ADAMTS19: variants seen among roughly 807,000 people sequenced by gnomAD.
ADAMTS19 encodes A disintegrin and metalloproteinase with thrombospondin motifs 19.
Under a neutral mutation model 153.3 loss-of-function variants are expected in ADAMTS19, and 93 were observed. That is an observed-to-expected ratio of 0.61 (90% CI 0.51 to 0.72). ADAMTS19 has a LOEUF of 0.72. Among genes scored for constraint, ADAMTS19 ranks in the 30% least tolerant of loss-of-function variants. ADAMTS19 has a pLI of 0.00. For synonymous variants in ADAMTS19, 600 were observed against 556.6 expected (o/e 1.08, Z -1.10); for missense variants, 1,482 against 1,552.1 (o/e 0.95, Z 0.76).
intron 7 of ADAMTS19, among the ~76,000 whole-genome samples, chr5:129,569,528 T>C (rs1370276968): frequency 1.3e-5 from 2 of 152,070 alleles, no homozygotes; most frequent in African/African-American, 2.4e-5. Context: ...GCCTTTCAAA[T>C]GACATGGAAA....
chr5:129,623,887 G>A (rs755098281), intron 10 of ADAMTS19, among the ~76,000 whole-genome samples: 5 of 151,780 alleles, frequency 3.3e-5, no homozygotes, highest in South Asian at 2.1e-4. Context: ...TTGGGAGGCC[G>A]AGACGGGCGG....
At chr5:129,567,377 C>T (rs1461776377) in intron 7 of ADAMTS19, among the ~76,000 whole-genome samples, 2 of 151,980 alleles carry the variant, frequency 1.3e-5, no homozygotes, top group African/African-American at 4.8e-5. Context: ...CCAACAGATG[C>T]CAATTCTGAG....
At chr5:129,659,334 G>A (rs1456668321) in intron 15 of ADAMTS19, among the ~76,000 whole-genome samples, 3 of 152,072 alleles carry the variant, frequency 2.0e-5, no homozygotes, top group Admixed American at 2.0e-4. Context: ...AATTATGAAT[G>A]ATCTACATAG....
intron 2 of ADAMTS19, among the ~76,000 whole-genome samples, chr5:129,475,260 G>A (rs894626336): frequency 1.3e-5 from 2 of 152,024 alleles, no homozygotes; most frequent in African/African-American, 4.8e-5. Flanking sequence ...TGTGTATGGT[G>A]TTAAGAGACT....
chr5:129,620,712 G>A lies in ADAMTS19; in HGVS notation c.1573G>A (p.Val525Ile). The A allele has an allele frequency of 6.8e-6, 11 of 1,613,046 alleles. No individual in the cohort carries two copies. The highest frequency in any genetic ancestry group is 1.1e-5 in the South Asian group (1 of 90,986). Residue 525 changes from valine to isoleucine, a missense_variant, in exon 9 of 23, where the codon GTT becomes ATT. Coordinates refer to ENST00000274487, the MANE Select transcript of ADAMTS19 (RefSeq NM_133638.6). ...GATTAAAGGACAGAATCTTGGTGAC[G>A]TTTCATGGTCTCGATGTAGCAAGGA... ...EWIKGQNLGD[V>I]SWSRCSKEDL...
chr5:129,460,572 G>T (rs1387069402), intron 1 of ADAMTS19, 90 bp downstream of exon 1: 1 of 1,438,974 alleles, frequency 6.9e-7, no homozygotes, highest in Admixed American at 1.7e-5. Context: ...TGCAACCGGT[G>T]CGTGGAGAGC....
At chr5:129,659,343 A>G (rs957043394) in intron 15 of ADAMTS19, among the ~76,000 whole-genome samples, 1 of 152,230 alleles carries the variant, frequency 6.6e-6, no homozygotes, top group Non-Finnish European at 1.5e-5. Context: ...TGATCTACAT[A>G]GTATTCATTT....
chr5:129,651,174 A>G lies in ADAMTS19; in HGVS notation c.2176+2204A>G, dbSNP rs568251968. On this transcript the variant is annotated intron_variant, in intron 13 of 22. Coordinates refer to ENST00000274487, the MANE Select transcript of ADAMTS19 (RefSeq NM_133638.6). Reference sequence around the variant, plus strand: ...TTTTTAGGTGATATTATCTATTCCTATGACTTCAAATATGCAAATAATACA... The same window carrying G: ...TTTTTAGGTGATATTATCTATTCCTGTGACTTCAAATATGCAAATAATACA... 3.9e-5 allele frequency among the ~76,000 whole-genome samples: 6 copies of G among 152,272 alleles called. No individual in the cohort carries two copies. The East Asian group carries it at 1.2e-3, about 29-fold the overall frequency.
chr5:129,724,864 G>A (rs1462334830), intron 21 of ADAMTS19, among the ~76,000 whole-genome samples: 3 of 152,218 alleles, frequency 2.0e-5, no homozygotes, highest in African/African-American at 4.8e-5. Flanking sequence ...ATGCAGATGG[G>A]TTCTCCACTT....
rs186321096 is a variant in ADAMTS19 at position 129,698,202 on chromosome 5, C to A, written c.2955-3186C>A. Among the ~76,000 whole-genome samples, 7 of 152,200 alleles carry A rather than the reference C, an allele frequency of 4.6e-5. No homozygotes were observed. In the East Asian group the frequency reaches 1.3e-3, roughly 29 times the overall value. On this transcript the variant is annotated intron_variant, in intron 19 of 22. Coordinates refer to ENST00000274487, the MANE Select transcript of ADAMTS19 (RefSeq NM_133638.6). The stretch of plus-strand genomic sequence containing the variant: ...ATCTCCCTTCCCTTGGAAAAGGAGG[C>A]AATTTATTTTGAACCACCAAGCTGT...
chr5:129,558,381 T>C (rs1047045591), intron 7 of ADAMTS19, among the ~76,000 whole-genome samples: 4 of 152,110 alleles, frequency 2.6e-5, no homozygotes, highest in Admixed American at 1.3e-4. Context: ...ATTTTGGTAA[T>C]AGGCAGTAAG....
chr5:129,587,110 G>A (rs1386951948), intron 7 of ADAMTS19, among the ~76,000 whole-genome samples: 1 of 151,880 alleles, frequency 6.6e-6, no homozygotes, highest in Non-Finnish European at 1.5e-5. Context: ...TTAATTTGCA[G>A]TTACATTATC....
chr5:129,715,331 G>A (rs1201105683), intron 21 of ADAMTS19, among the ~76,000 whole-genome samples: 1 of 152,170 alleles, frequency 6.6e-6, no homozygotes, highest in Non-Finnish European at 1.5e-5. Context: ...ACAGGGAGAT[G>A]TGAAAATACT....
chr5:129,658,784 G>A, intron 15 of ADAMTS19, 47 bp downstream of exon 15: 1 of 1,541,308 alleles, frequency 6.5e-7, no homozygotes, highest in South Asian at 1.2e-5. Flanking sequence ...TGCAATCTTT[G>A]GGAACACAGA....
chr5:129,698,619 T>C (rs1011652855), intron 19 of ADAMTS19, among the ~76,000 whole-genome samples: 2 of 152,188 alleles, frequency 1.3e-5, no homozygotes, highest in Non-Finnish European at 2.9e-5. Flanking sequence ...ATAGGAAAAG[T>C]AACTTTTTAT....
rs200674811 is a variant in ADAMTS19 at position 129,462,616 on chromosome 5, T to TGG, written c.747+865_747+866dup. Among the ~76,000 whole-genome samples, 124 of 148,984 alleles carry TGG rather than the reference T, an allele frequency of 8.3e-4. 1 individual carries two copies. The highest frequency in any genetic ancestry group is 2.9e-3 in the African/African-American group (116 of 39,892). Reference sequence around the variant, plus strand: ...GTTGACCTTTGTGTGTGTGTGTGTGTGGGGGGGTCAAATATGCATAACATA... The same window carrying TGG: ...GTTGACCTTTGTGTGTGTGTGTGTGTGGGGGGGGGTCAAATATGCATAACATA... On this transcript the variant is annotated intron_variant, in intron 2 of 22. Transcript: ENST00000274487.
At chr5:129,551,236 A>G (rs540246882) in intron 6 of ADAMTS19, among the ~76,000 whole-genome samples, 5 of 151,766 alleles carry the variant, frequency 3.3e-5, no homozygotes, top group Admixed American at 1.3e-4. Context: ...AGGTCTATTA[A>G]ATTTTGCTCT....
Position 129,595,018 on chromosome 5 carries a change from G to C in ADAMTS19, c.1373-1541G>C, listed in dbSNP as rs544170352. The stretch of plus-strand genomic sequence containing the variant: ...ATTTCTATAAAATCTATTTTAATTT[G>C]TAAAGATATAAAAAAAACTACATCC... On this transcript the variant is annotated intron_variant, in intron 7 of 22. Transcript: ENST00000274487. Among the ~76,000 whole-genome samples the C allele has an allele frequency of 4.6e-5, 7 of 152,046 alleles. No individual in the cohort carries two copies. The South Asian group carries it at 1.5e-3, about 32-fold the overall frequency.
intron 7 of ADAMTS19, among the ~76,000 whole-genome samples, chr5:129,562,377 C>A (rs535721652): frequency 7.9e-5 from 12 of 152,128 alleles, no homozygotes; most frequent in Non-Finnish European, 1.5e-4. Context: ...TGGGAGTAAG[C>A]GGCAGTGAAT....
Sources: allele counts gnomAD v4.1 joint callset (sites outside exome capture counted in the v4.1 genomes callset), GRCh38; gene constraint gnomAD v4.1.1; transcripts MANE v1.5; gene names NCBI Gene and HGNC (gene_info 2026-07-23, HGNC 2026-07-21).